The following KSR2 variants were observed in gnomAD, a reference collection of about 807,000 sequenced individuals.
The protein encoded by KSR2 is kinase suppressor of ras 2.
In KSR2, 25 loss-of-function variants were observed where a neutral mutation model predicts 107.8. The ratio of observed to expected loss-of-function variants is 0.23; its 90% CI spans 0.17 to 0.32. The LOEUF is 0.32. Ranked by LOEUF, KSR2 falls within the 10% of genes least tolerant of loss-of-function variation. KSR2 has a pLI of 1.00. For missense variants in KSR2, 887 were observed against 1,268.9 expected, an observed-to-expected ratio of 0.70 and a Z score of 4.57; for synonymous variants, 480 against 507.0, an observed-to-expected ratio of 0.95 and a Z score of 0.71.
At chr12:117,521,225 C>T (rs375014135) in intron 14 of KSR2, among the ~76,000 whole-genome samples, 26 of 152,302 alleles carry the variant, frequency 1.7e-4, no homozygotes, top group Middle Eastern at 3.4e-3. Context: ...GGTCCAGGTA[C>T]GCCATCTTTG....
At chr12:117,731,695 A>C (rs1441993575) in intron 4 of KSR2, among the ~76,000 whole-genome samples, 5 of 152,014 alleles carry the variant, frequency 3.3e-5, no homozygotes, top group Non-Finnish European at 7.4e-5. Context: ...TACTAAGAAA[A>C]ATTCTTCTGC....
intron 5 of KSR2, among the ~76,000 whole-genome samples, chr12:117,630,533 T>A (rs1882755271): frequency 6.6e-6 from 1 of 151,970 alleles, no homozygotes; most frequent in Non-Finnish European, 1.5e-5. Context: ...CATGGAAGGA[T>A]TATAAACAGG....
intron 3 of KSR2, among the ~76,000 whole-genome samples, chr12:117,795,809 CTA>C (rs1593247126): frequency 6.6e-6 from 1 of 152,114 alleles, no homozygotes; most frequent in East Asian, 1.9e-4. Context: ...CAGGGTCTCA[CTA>C]TGTTACCCAG....
chr12:117,491,729 G>A (rs572435363), intron 14 of KSR2, among the ~76,000 whole-genome samples: 37 of 152,292 alleles, frequency 2.4e-4, no homozygotes, highest in African/African-American at 7.0e-4. Context: ...GCTGATTTCC[G>A]TTCCTCTGGA....
chr12:117,647,577 G>A (rs1883707982), intron 5 of KSR2, among the ~76,000 whole-genome samples: 1 of 152,158 alleles, frequency 6.6e-6, no homozygotes, highest in Admixed American at 6.5e-5. Context: ...AATCCCCAAG[G>A]TGAAAATCCA....
At chr12:117,525,610 G>A (rs765006113) in intron 13 of KSR2, among the ~76,000 whole-genome samples, 1 of 152,206 alleles carries the variant, frequency 6.6e-6, no homozygotes, top group Non-Finnish European at 1.5e-5. Flanking sequence ...TAAGATCCAG[G>A]TCTCTGGACT....
intron 5 of KSR2, among the ~76,000 whole-genome samples, chr12:117,658,308 A>G (rs1884272681): frequency 6.6e-6 from 1 of 152,260 alleles, no homozygotes; most frequent in African/African-American, 2.4e-5. Flanking sequence ...GATTTGGGTC[A>G]AAGTGGATAC....
Position 117,759,610 on chromosome 12 carries a change from A to G in KSR2, c.986+1401T>C, listed in dbSNP as rs541951717. ...AGAATGTTTTCATCATCCCAAATGC[A>G]AAGTCTATATCCAATAAATAACAAC... On this transcript the variant is annotated intron_variant, in intron 4 of 19. Transcript: ENST00000339824. Among the ~76,000 whole-genome samples the G allele has an allele frequency of 9.8e-5, 15 of 152,296 alleles. No individual in the cohort carries two copies. In the South Asian group the frequency reaches 2.9e-3, roughly 29 times the overall value.
intron 3 of KSR2, among the ~76,000 whole-genome samples, chr12:117,831,346 C>T (rs1891956808): frequency 6.6e-6 from 1 of 152,194 alleles, no homozygotes; most frequent in Admixed American, 6.5e-5. Flanking sequence ...CAACCTGGCC[C>T]ACCTTGCAAG....
Position 117,730,506 on chromosome 12 carries a change from C to T in KSR2, c.986+30505G>A, listed in dbSNP as rs12812836. 5.0e-3 allele frequency among the ~76,000 whole-genome samples: 755 copies of T among 151,736 alleles called. 6 individuals carry two copies. The highest frequency in any genetic ancestry group is 0.031 in the Middle Eastern group (9 of 294). On this transcript the variant is annotated intron_variant, in intron 4 of 19. Transcript: ENST00000339824. ...GTCTCCCCTCTCCCTCTCCCCCTTC[C>T]ACGGTCTCCCTCTCCCTCATCTCCC...
At chr12:117,532,781 CGGTGTTGGGG>C (rs886754826) in intron 10 of KSR2, among the ~76,000 whole-genome samples, 1 of 151,886 alleles carries the variant, frequency 6.6e-6, no homozygotes, top group Non-Finnish European at 1.5e-5. Flanking sequence ...GGGGGCCAAG[CGGTGTTGGGG>C]GCAGGGGACA....
chr12:117,950,605 G>C (rs1468537343), intron 1 of KSR2, among the ~76,000 whole-genome samples: 2 of 151,720 alleles, frequency 1.3e-5, no homozygotes, highest in Admixed American at 6.6e-5. Flanking sequence ...GCCAGGCATG[G>C]TAGTGTGCAC....
chr12:117,832,200 C>T (rs1001093462), intron 3 of KSR2, among the ~76,000 whole-genome samples: 3 of 152,206 alleles, frequency 2.0e-5, no homozygotes, highest in African/African-American at 7.2e-5. Flanking sequence ...AGGAGAATCA[C>T]TTGAATCCAG....
At chr12:117,556,822 G>C (rs1210981807) in intron 8 of KSR2, among the ~76,000 whole-genome samples, 1 of 152,168 alleles carries the variant, frequency 6.6e-6, no homozygotes, top group Non-Finnish European at 1.5e-5. Context: ...GGCTTGCAGG[G>C]AGGCAGCCAG....
At chr12:117,512,341 A>G (rs556292996) in intron 14 of KSR2, among the ~76,000 whole-genome samples, 11 of 152,214 alleles carry the variant, frequency 7.2e-5, no homozygotes, top group Non-Finnish European at 1.5e-4. Flanking sequence ...TCTTGTTCCT[A>G]TCAGTCTTCC....
At chr12:117,599,871 C>A (rs1880839156) in intron 5 of KSR2, among the ~76,000 whole-genome samples, 1 of 152,124 alleles carries the variant, frequency 6.6e-6, no homozygotes, top group Non-Finnish European at 1.5e-5. Flanking sequence ...GTGGGGGAGA[C>A]AACGGAAGGA....
chr12:117,559,839 A>G (rs1471349655), intron 7 of KSR2, among the ~76,000 whole-genome samples: 1 of 152,200 alleles, frequency 6.6e-6, no homozygotes, highest in Admixed American at 6.5e-5. Flanking sequence ...GCTGTGGAAG[A>G]TGCCGTAAGT....
intron 3 of KSR2, among the ~76,000 whole-genome samples, chr12:117,802,394 C>G (rs1283090235): frequency 6.6e-6 from 1 of 152,108 alleles, no homozygotes; most frequent in Admixed American, 6.6e-5. Flanking sequence ...TTTCAAAGTC[C>G]CTTTACTATG....
At chr12:117,522,567 G>C (rs1293248733) in intron 14 of KSR2, among the ~76,000 whole-genome samples, 6 of 152,300 alleles carry the variant, frequency 3.9e-5, no homozygotes, top group Middle Eastern at 3.4e-3. Context: ...GCCACAGATT[G>C]TCCCCACCCT....
Sources: allele counts gnomAD v4.1 joint callset (sites outside exome capture counted in the v4.1 genomes callset), GRCh38; gene constraint gnomAD v4.1.1; transcripts MANE v1.5; gene names NCBI Gene and HGNC (gene_info 2026-07-23, HGNC 2026-07-21).